Variants in SETX observed in about 807,000 individuals in gnomAD.
SETX encodes the protein senataxin.
SETX carries 90 observed loss-of-function variants against 227.2 expected under a neutral mutation model. That is an observed-to-expected ratio of 0.40 (90% CI 0.33 to 0.47). SETX has a LOEUF of 0.47. Among genes scored for constraint, SETX ranks in the 20% least tolerant of loss-of-function variants. The pLI is 0.91. For missense variants in SETX, 3,052 were observed against 3,181.5 expected, an observed-to-expected ratio of 0.96 and a Z score of 0.98; for synonymous variants, 1,210 against 1,113.2, an observed-to-expected ratio of 1.09 and a Z score of -1.73.
chr9:132,304,087 C>G (rs969401353), intron 11 of SETX, among the ~76,000 whole-genome samples: 18 of 152,162 alleles, frequency 1.2e-4, no homozygotes, highest in African/African-American at 4.1e-4. Flanking sequence ...GCTGGGGCAA[C>G]AGAGCAAGAC....
intron 10 of SETX, among the ~76,000 whole-genome samples, chr9:132,315,287 T>C (rs929173651): frequency 1.3e-5 from 2 of 152,146 alleles, no homozygotes; most frequent in Admixed American, 6.5e-5. Flanking sequence ...TGGCTCCCAA[T>C]AACCAAGACT....
intron 10 of SETX, among the ~76,000 whole-genome samples, chr9:132,322,354 A>G (rs1344011401): frequency 6.6e-6 from 1 of 152,074 alleles, no homozygotes; most frequent in Non-Finnish European, 1.5e-5. Flanking sequence ...CATCACCCCA[A>G]AAGAAACACT....
chr9:132,273,970 CT>C lies in SETX; in HGVS notation c.7100+1285del, dbSNP rs61487697. Among the ~76,000 whole-genome samples, 551 of 145,822 alleles carry C rather than the reference CT, an allele frequency of 3.8e-3. 6 individuals are homozygous for C. Among genetic ancestry groups the C allele is most frequent in the Non-Finnish European group, 2.3e-3 (150 of 65,784 alleles). On this transcript the variant is annotated intron_variant, in intron 23 of 25. Transcript: ENST00000224140. Reference sequence around the variant, plus strand: ...TTAATAAAAAAAGTTCCTTTGTATTCTTTTTTTTTTTTTAAATCATCAAAGC... The same window carrying C: ...TTAATAAAAAAAGTTCCTTTGTATTCTTTTTTTTTTTTAAATCATCAAAGC...
At chr9:132,279,844 G>A (rs1248607244) in intron 20 of SETX, among the ~76,000 whole-genome samples, 2 of 151,818 alleles carry the variant, frequency 1.3e-5, no homozygotes, top group Non-Finnish European at 1.5e-5. Context: ...GACATGGGAG[G>A]ATGTCCCTGA....
At chr9:132,300,942 G>A in intron 11 of SETX, 139 bp from the exon 12 acceptor site, 1 of 665,742 alleles carries the variant, frequency 1.5e-6, no homozygotes, top group Non-Finnish European at 2.4e-6. Flanking sequence ...CTTTAAAATG[G>A]TAATCTAATC....
chr9:132,346,151 T>C (rs1848273008), intron 4 of SETX, 110 bp downstream of exon 4: 5 of 854,914 alleles, frequency 5.8e-6, no homozygotes, highest in Middle Eastern at 3.4e-4. Flanking sequence ...CCTAATTATA[T>C]ATCCTAATTA....
intron 12 of SETX, 41 bp from the exon 13 acceptor site, chr9:132,298,353 G>T: frequency 2.1e-6 from 3 of 1,461,508 alleles, no homozygotes; most frequent in South Asian, 1.1e-5. Flanking sequence ...AGTTATCACT[G>T]AATAATGCTG....
Position 132,328,597 on chromosome 9 carries a change from T to C in SETX, c.3001A>G (p.Asn1001Asp). The change falls in exon 10 of 26, where the codon AAC becomes GAC. Residue 1001 changes from asparagine to aspartate, a missense_variant. Asn to Asp is a conservative substitution (Grantham distance 23, BLOSUM62 1). Coordinates refer to ENST00000224140, the MANE Select transcript of SETX (RefSeq NM_015046.7). ...VKEDKRCFTA[N>D]QNNVGDTSRG... Reference sequence around the variant, plus strand: ...GAGGTATCTCCAACATTATTTTGGTTAGCTGTGAAACATCTTTTATCTTCT... The same window carrying C: ...GAGGTATCTCCAACATTATTTTGGTCAGCTGTGAAACATCTTTTATCTTCT... 6.2e-7 allele frequency: 1 copy of C among 1,613,888 alleles called. No individual in the cohort carries two copies. Among genetic ancestry groups the C allele is most frequent in the South Asian group, 1.1e-5 (1 of 90,988 alleles).
intron 23 of SETX, chr9:132,274,991 G>A (rs559152146): frequency 4.3e-6 from 2 of 467,412 alleles, no homozygotes; most frequent in South Asian, 3.1e-5. Flanking sequence ...ACAAGTCATG[G>A]AACTAAAAGG....
At chr9:132,271,899 T>C in intron 23 of SETX, 91 bp from the exon 24 acceptor site, 2 of 1,158,486 alleles carry the variant, frequency 1.7e-6, no homozygotes, top group Non-Finnish European at 2.5e-6. Flanking sequence ...TTTTTTTTTT[T>C]TGAGACGGAG....
At chr9:132,347,670 C>CA (rs77513867) in intron 3 of SETX, among the ~76,000 whole-genome samples, 2,182 of 135,714 alleles carry the variant, frequency 0.016, 18 homozygotes, top group African/African-American at 0.027. Flanking sequence ...CAACTACATT[C>CA]AAAAAAAAAA....
Position 132,327,127 on chromosome 9 carries a change from C to G in SETX, c.4471G>C (p.Ala1491Pro). 1 of 1,614,220 alleles carries G rather than the reference C, an allele frequency of 6.2e-7. No homozygotes were observed. Among genetic ancestry groups the G allele is most frequent in the Non-Finnish European group, 8.5e-7 (1 of 1,180,044 alleles). The change falls in exon 10 of 26, where the codon GCA becomes CCA. Residue 1491 changes from alanine (A) to proline (P), a missense_variant. Ala to Pro is a conservative substitution (Grantham distance 27). This residue lies in a region of SETX where 1,483 missense variants were observed against 1,312.0 expected (regional missense o/e 1.13). Coordinates refer to ENST00000224140, the MANE Select transcript of SETX (RefSeq NM_015046.7). Reference sequence around the variant, plus strand: ...GTTAAAAATAAGTTATCTTCCTCTGCATCACTGCTGGAGTCAGGCTCTCCT... The same window carrying G: ...GTTAAAAATAAGTTATCTTCCTCTGGATCACTGCTGGAGTCAGGCTCTCCT... ...KEGEPDSSSD[A>P]EEDNLFLTQN... is the part of the protein sequence containing the mutation.
intron 4 of SETX, among the ~76,000 whole-genome samples, chr9:132,343,751 CTGTT>C (rs999862027): frequency 3.9e-5 from 6 of 152,136 alleles, no homozygotes; most frequent in Non-Finnish European, 8.8e-5. Context: ...CTACACAAAT[CTGTT>C]TGACTTGCAA....
At position 132,283,387 on chromosome 9, in the gene SETX, C is replaced by T. The variant is rs753309923; in HGVS notation, c.6423G>A (p.Gln2141=). 5 of 1,614,194 alleles carry T rather than the reference C, an allele frequency of 3.1e-6. No homozygotes were observed. The highest frequency in any genetic ancestry group is 2.2e-5 in the South Asian group (2 of 91,078). The part of the protein sequence containing the change: ...KEVQGRPQKT[Q]SIIILESHII... Reference sequence around the variant, plus strand: ...TATGGGACTCTAAGATGATGATACTCTGTGTTTTCTGTGGGCGTCCTTGAA... The same window carrying T: ...TATGGGACTCTAAGATGATGATACTTTGTGTTTTCTGTGGGCGTCCTTGAA... The change falls in exon 19 of 26, where the codon CAG becomes CAA. Residue 2141 remains glutamine (Q), a synonymous_variant. Transcript: ENST00000224140.
At chr9:132,293,838 C>A (rs1038125679) in intron 15 of SETX, among the ~76,000 whole-genome samples, 1 of 152,026 alleles carries the variant, frequency 6.6e-6, no homozygotes. Context: ...CTGGCTAACA[C>A]GGTGAAACCC....
intron 15 of SETX, among the ~76,000 whole-genome samples, chr9:132,288,854 G>C (rs990169967): frequency 2.6e-5 from 4 of 152,108 alleles, no homozygotes; most frequent in Admixed American, 1.3e-4. Context: ...AATCCTATAA[G>C]GCAAGTAGTT....
chr9:132,335,162 G>C (rs538725065), intron 6 of SETX, among the ~76,000 whole-genome samples: 1 of 151,650 alleles, frequency 6.6e-6, no homozygotes, highest in African/African-American at 2.4e-5. Flanking sequence ...AGGCCAAGGC[G>C]GGCAGATCAC....
chr9:132,323,695 A>T (rs961130010), intron 10 of SETX, among the ~76,000 whole-genome samples: 2 of 152,204 alleles, frequency 1.3e-5, no homozygotes, highest in Non-Finnish European at 2.9e-5. Context: ...TGAGCCCAGT[A>T]GTTTGAGACC....
chr9:132,335,202 A>T (rs961784640), intron 6 of SETX, among the ~76,000 whole-genome samples: 1 of 151,744 alleles, frequency 6.6e-6, no homozygotes, highest in Non-Finnish European at 1.5e-5. Flanking sequence ...CATCCTGGCT[A>T]ACATGGTGAA....
Sources: gnomAD v4.1 joint callset for allele counts (sites outside exome capture counted in the v4.1 genomes callset) on GRCh38, gnomAD v4.1.1 for gene constraint, gnomAD v4.1.1 regional missense constraint, MANE v1.5 for transcripts, NCBI Gene and HGNC (gene_info 2026-07-23, HGNC 2026-07-21) for gene names.